The following NOS1AP variants were observed in gnomAD, a reference collection of about 807,000 sequenced individuals.
NOS1AP encodes the protein carboxyl-terminal PDZ ligand of neuronal nitric oxide synthase protein.
Under a neutral mutation model 56.2 loss-of-function variants are expected in NOS1AP, and 21 were observed. That is an observed-to-expected ratio of 0.37 (90% CI 0.26 to 0.54). NOS1AP has a LOEUF of 0.54. NOS1AP is among the 20% of genes least tolerant of loss of function. The pLI is 0.84. For synonymous variants in NOS1AP, 270 were observed against 274.6 expected, an observed-to-expected ratio of 0.98 and a Z score of 0.17; for missense variants, 522 against 657.8, an observed-to-expected ratio of 0.79 and a Z score of 2.26.
At chr1:162,130,102 T>G (rs954113959) in intron 1 of NOS1AP, among the ~76,000 whole-genome samples, 2 of 152,226 alleles carry the variant, frequency 1.3e-5, no homozygotes, top group Non-Finnish European at 2.9e-5. Context: ...TACCATACAT[T>G]GAGCTTCTGT....
chr1:162,223,641 T>C (rs1040167171), intron 2 of NOS1AP, among the ~76,000 whole-genome samples: 1 of 152,226 alleles, frequency 6.6e-6, no homozygotes, highest in Non-Finnish European at 1.5e-5. Flanking sequence ...GTGTTTATCA[T>C]TGTTTACATA....
chr1:162,279,779 A>T (rs920878906), intron 2 of NOS1AP, among the ~76,000 whole-genome samples: 2 of 152,198 alleles, frequency 1.3e-5, no homozygotes, highest in African/African-American at 4.8e-5. Context: ...TGAATGAATG[A>T]ATTTTATTTC....
At chr1:162,091,306 C>G (rs562232056) in intron 1 of NOS1AP, among the ~76,000 whole-genome samples, 100 of 152,252 alleles carry the variant, frequency 6.6e-4, no homozygotes, top group Admixed American at 3.5e-3. Flanking sequence ...CGGCAGTTCT[C>G]CAGTTTACCC....
intron 1 of NOS1AP, among the ~76,000 whole-genome samples, chr1:162,129,821 A>C (rs557900938): frequency 6.6e-6 from 1 of 152,334 alleles, no homozygotes; most frequent in South Asian, 2.1e-4. Flanking sequence ...CAGTGTTTGC[A>C]GAGCTTATGA....
intron 2 of NOS1AP, among the ~76,000 whole-genome samples, chr1:162,169,205 C>T (rs1318415529): frequency 1.3e-5 from 2 of 152,244 alleles, no homozygotes; most frequent in African/African-American, 2.4e-5. Context: ...CTTGACTTTT[C>T]TCTTCAGCAT....
intron 2 of NOS1AP, among the ~76,000 whole-genome samples, chr1:162,154,872 T>C (rs1649870219): frequency 6.6e-6 from 1 of 152,136 alleles, no homozygotes; most frequent in Admixed American, 6.5e-5. Context: ...CAGGCTGGTC[T>C]CGAACTGCAG....
chr1:162,308,261 C>G (rs902667466), intron 4 of NOS1AP, among the ~76,000 whole-genome samples: 2 of 152,220 alleles, frequency 1.3e-5, no homozygotes, highest in African/African-American at 2.4e-5. Context: ...GCAGGGAAAA[C>G]AGAAAGCCAT....
chr1:162,321,991 G>A (rs1195057815), intron 4 of NOS1AP, among the ~76,000 whole-genome samples: 1 of 152,064 alleles, frequency 6.6e-6, no homozygotes, highest in Non-Finnish European at 1.5e-5. Context: ...TTCAAAAGAA[G>A]CCCAAACTCC....
At chr1:162,092,930 A>G (rs778690200) in intron 1 of NOS1AP, among the ~76,000 whole-genome samples, 45 of 152,184 alleles carry the variant, frequency 3.0e-4, no homozygotes, top group Admixed American at 1.5e-3. Context: ...TTTTATTCTC[A>G]TCTTGTACCT....
chr1:162,283,703 A>G (rs906325820), intron 2 of NOS1AP, among the ~76,000 whole-genome samples: 1 of 152,190 alleles, frequency 6.6e-6, no homozygotes, highest in African/African-American at 2.4e-5. Context: ...TCTATTTGTG[A>G]AACCCCAGAC....
At chr1:162,131,656 G>T (rs1443458425) in intron 1 of NOS1AP, among the ~76,000 whole-genome samples, 1 of 151,988 alleles carries the variant, frequency 6.6e-6, no homozygotes. Flanking sequence ...TGATTTAGCT[G>T]CTGTCCAAGC....
chr1:162,214,314 T>C (rs1652472805), intron 2 of NOS1AP, among the ~76,000 whole-genome samples: 1 of 152,222 alleles, frequency 6.6e-6, no homozygotes, highest in East Asian at 1.9e-4. Context: ...GCCAATATAT[T>C]GTTTACTCTT....
In NOS1AP at chr1:162,344,104, C is replaced by T. The variant is rs779983685; in HGVS notation, c.595+128C>T. On this transcript the variant is annotated intron_variant, in intron 6 of 9. Coordinates refer to ENST00000361897, the MANE Select transcript of NOS1AP (RefSeq NM_014697.3). Reference sequence around the variant, plus strand: ...AACATTTTATTTTTTCCGTTTCTCTCTAAATTCTAGATTCTCTTTAAGGAA... The same window carrying T: ...AACATTTTATTTTTTCCGTTTCTCTTTAAATTCTAGATTCTCTTTAAGGAA... The T allele has an allele frequency of 3.9e-6, 4 of 1,031,298 alleles. No homozygotes were observed. The Admixed American group carries it at 8.0e-5, about 21-fold the overall frequency. The allele number at this position is 1,031,298 out of a possible 1,614,324, so 63.9% of individuals were successfully genotyped here.
At chr1:162,070,994 G>A (rs1691648748) in intron 1 of NOS1AP, among the ~76,000 whole-genome samples, 1 of 152,186 alleles carries the variant, frequency 6.6e-6, no homozygotes, top group Non-Finnish European at 1.5e-5. Context: ...TGGGGGAGGG[G>A]TGGAGCAGAA....
intron 1 of NOS1AP, among the ~76,000 whole-genome samples, chr1:162,075,859 C>T (rs887180327): frequency 2.0e-5 from 3 of 152,006 alleles, no homozygotes; most frequent in African/African-American, 7.3e-5. Flanking sequence ...TTACATTGCT[C>T]TCAGATGTCC....
chr1:162,129,287 G>A (rs1648638293), intron 1 of NOS1AP, among the ~76,000 whole-genome samples: 2 of 152,046 alleles, frequency 1.3e-5, no homozygotes, highest in South Asian at 4.2e-4. Context: ...TTGTATAACT[G>A]GTTTCTTTAG....
chr1:162,261,513 A>AGGAGAG (rs1350065555), intron 2 of NOS1AP, among the ~76,000 whole-genome samples: 1 of 21,612 alleles, frequency 4.6e-5, no homozygotes, highest in South Asian at 1.4e-3. Flanking sequence ...AGAGAGAGAG[A>AGGAGAG]GAGAGAGAGA....
At chr1:162,252,190 G>A (rs1653885259) in intron 2 of NOS1AP, among the ~76,000 whole-genome samples, 1 of 151,976 alleles carries the variant, frequency 6.6e-6, no homozygotes, top group African/African-American at 2.4e-5. Context: ...GGGACTATAG[G>A]TGTGTGCTAC....
intron 4 of NOS1AP, among the ~76,000 whole-genome samples, chr1:162,329,882 C>T (rs992467656): frequency 6.6e-6 from 1 of 152,238 alleles, no homozygotes; most frequent in African/African-American, 2.4e-5. Context: ...CTTTTAATAA[C>T]AACACGCTAA....
Sources: allele counts gnomAD v4.1 joint callset (sites outside exome capture counted in the v4.1 genomes callset), GRCh38; gene constraint gnomAD v4.1.1; transcripts MANE v1.5; gene names NCBI Gene and HGNC (gene_info 2026-07-23, HGNC 2026-07-21).